Variants in GRID1 observed in about 807,000 individuals in gnomAD.
The protein encoded by GRID1 is glutamate ionotropic receptor delta type subunit 1, also known as glutamate receptor ionotropic, delta-1.
In GRID1, 28 loss-of-function variants were observed where a neutral mutation model predicts 98.0. That is an observed-to-expected ratio of 0.29 (90% confidence interval 0.21 to 0.39). The LOEUF (loss-of-function observed/expected upper bound fraction) is 0.39, where lower values mean the gene tolerates loss of function less well. Among genes scored for constraint, GRID1 ranks in the 10% least tolerant of loss-of-function variants. GRID1 has a pLI of 1.00. For synonymous variants in GRID1, 553 were observed against 538.5 expected (o/e 1.03, Z -0.37); for missense variants, 1,111 against 1,340.5 (o/e 0.83, Z 2.67).
rs139319904 is a variant in GRID1, at chr10:86,278,697, CA to C, written c.236-72050del. The stretch of plus-strand genomic sequence containing the variant: ...TAGAATGGACCAATTCCTTGAAAGA[CA>C]CAAACTACTAATGCTCACTCAAGAA... On this transcript the variant is annotated intron_variant, in intron 2 of 15. Transcript: ENST00000327946. 2.0e-3 allele frequency among the ~76,000 whole-genome samples: 308 copies of C among 152,204 alleles called. 1 individual carries two copies. Among genetic ancestry groups the C allele is most frequent in the African/African-American group, 7.2e-3 (298 of 41,554 alleles).
At chr10:85,938,352 C>T (rs1420458463) in intron 4 of GRID1, among the ~76,000 whole-genome samples, 2 of 152,256 alleles carry the variant, frequency 1.3e-5, no homozygotes, top group Non-Finnish European at 2.9e-5. Flanking sequence ...CCACCCTCTA[C>T]TCTTGCCCTG....
intron 12 of GRID1, among the ~76,000 whole-genome samples, chr10:85,710,082 T>G (rs999593916): frequency 6.6e-6 from 1 of 152,122 alleles, no homozygotes; most frequent in African/African-American, 2.4e-5. Flanking sequence ...CAATGCAATC[T>G]CTAACAAAAT....
intron 2 of GRID1, among the ~76,000 whole-genome samples, chr10:86,241,431 G>A (rs1198380351): frequency 6.6e-6 from 1 of 152,214 alleles, no homozygotes; most frequent in Non-Finnish European, 1.5e-5. Flanking sequence ...GCCGCAGGCT[G>A]AGTCCCTCTG....
chr10:85,936,628 G>C (rs1214439323), intron 4 of GRID1, among the ~76,000 whole-genome samples: 1 of 152,134 alleles, frequency 6.6e-6, no homozygotes, highest in Admixed American at 6.6e-5. Context: ...TCTGTTTGTT[G>C]CCTTGCCTAC....
intron 12 of GRID1, among the ~76,000 whole-genome samples, chr10:85,707,753 C>T (rs1841537024): frequency 1.3e-5 from 2 of 152,128 alleles, no homozygotes; most frequent in Non-Finnish European, 2.9e-5. Context: ...GGAAATGTGG[C>T]ACATATACAC....
intron 12 of GRID1, among the ~76,000 whole-genome samples, chr10:85,715,528 T>A (rs1233090031): frequency 2.0e-5 from 3 of 150,774 alleles, no homozygotes; most frequent in Non-Finnish European, 4.4e-5. Context: ...AAACAAATAG[T>A]TTAATTTAAA....
At chr10:86,313,267 T>C (rs1396820454) in intron 2 of GRID1, among the ~76,000 whole-genome samples, 1 of 152,234 alleles carries the variant, frequency 6.6e-6, no homozygotes, top group African/African-American at 2.4e-5. Context: ...GCACTAACCA[T>C]GTGCCAGGCA....
chr10:86,062,954 A>T (rs896101602), intron 4 of GRID1, among the ~76,000 whole-genome samples: 1 of 152,212 alleles, frequency 6.6e-6, no homozygotes, highest in Admixed American at 6.5e-5. Flanking sequence ...AGCATCTCCA[A>T]GGTCTTCAGG....
At chr10:85,738,435 A>C (rs1343890898) in intron 8 of GRID1, among the ~76,000 whole-genome samples, 1 of 152,206 alleles carries the variant, frequency 6.6e-6, no homozygotes, top group African/African-American at 2.4e-5. Context: ...ATTGGAAGAC[A>C]CTTCGGCAAT....
chr10:85,879,116 T>C (rs1420549314), intron 5 of GRID1, among the ~76,000 whole-genome samples: 1 of 152,166 alleles, frequency 6.6e-6, no homozygotes, highest in African/African-American at 2.4e-5. Flanking sequence ...TCCAGATTCA[T>C]AAAGCAAGTC....
At chr10:85,822,538 A>T (rs1327095292) in intron 8 of GRID1, among the ~76,000 whole-genome samples, 2 of 152,202 alleles carry the variant, frequency 1.3e-5, no homozygotes, top group African/African-American at 4.8e-5. Context: ...TCAGGAAACA[A>T]CAAGTGCTGG....
chr10:85,706,570 C>A (rs1269286494), intron 12 of GRID1, among the ~76,000 whole-genome samples: 1 of 152,112 alleles, frequency 6.6e-6, no homozygotes, highest in East Asian at 1.9e-4. Context: ...CCATCCCCAT[C>A]AAGCTACCAA....
Position 85,615,708 on chromosome 10 carries a change from A to G in GRID1, c.2361-2061T>C, listed in dbSNP as rs144474677. Among the ~76,000 whole-genome samples the G allele has an allele frequency of 3.7e-3, 559 of 152,306 alleles. 6 individuals are homozygous for G. The highest frequency in any genetic ancestry group is 0.013 in the African/African-American group (543 of 41,562). ...ACCACATGGTGAACTGGACAGCCGC[A>G]GTGTTGCACCACCTCATATGGATCA... On this transcript the variant is annotated intron_variant, in intron 14 of 15. Coordinates refer to ENST00000327946, the MANE Select transcript of GRID1 (RefSeq NM_017551.3).
intron 8 of GRID1, among the ~76,000 whole-genome samples, chr10:85,826,210 C>T (rs1842818561): frequency 6.6e-6 from 1 of 152,148 alleles, no homozygotes; most frequent in African/African-American, 2.4e-5. Flanking sequence ...TGGCACATGC[C>T]TGCAATCCCA....
At chr10:86,201,584 G>A (rs1845951858) in intron 3 of GRID1, among the ~76,000 whole-genome samples, 1 of 151,848 alleles carries the variant, frequency 6.6e-6, no homozygotes. Context: ...CAACGAATGG[G>A]TACTAGGCTT....
chr10:85,636,168 G>A (rs1843038756), intron 13 of GRID1, among the ~76,000 whole-genome samples: 1 of 152,188 alleles, frequency 6.6e-6, no homozygotes, highest in African/African-American at 2.4e-5. Flanking sequence ...GGCCCCAGTG[G>A]AGGAAAGGAA....
chr10:85,987,787 G>T (rs540222876), intron 4 of GRID1, among the ~76,000 whole-genome samples: 18 of 151,690 alleles, frequency 1.2e-4, no homozygotes, highest in African/African-American at 4.1e-4. Context: ...TTCCTCAGGG[G>T]CCTTCCTATA....
intron 12 of GRID1, among the ~76,000 whole-genome samples, chr10:85,664,030 C>T (rs776235877): frequency 2.0e-5 from 3 of 152,094 alleles, no homozygotes; most frequent in South Asian, 2.1e-4. Flanking sequence ...TCATTCCTGG[C>T]GCCATGCTTC....
At chr10:86,216,115 T>C (rs533663390) in intron 2 of GRID1, among the ~76,000 whole-genome samples, 2 of 152,360 alleles carry the variant, frequency 1.3e-5, no homozygotes, top group South Asian at 2.1e-4. Flanking sequence ...TTTGGCATTA[T>C]TTGACTTTTC....
Sources: allele counts gnomAD v4.1 joint callset (sites outside exome capture counted in the v4.1 genomes callset), GRCh38; gene constraint gnomAD v4.1.1; transcripts MANE v1.5; gene names NCBI Gene and HGNC (gene_info 2026-07-23, HGNC 2026-07-21).